The following NUP205 variants were observed in gnomAD, a reference collection of about 807,000 sequenced individuals.
NUP205 encodes nucleoporin 205.
NUP205 carries 76 observed loss-of-function variants against 253.8 expected under a neutral mutation model. The observed-to-expected ratio is 0.30, with a 90% CI of 0.25 to 0.36. NUP205 has a LOEUF of 0.36. NUP205 is among the 10% of genes least tolerant of loss of function. NUP205 has a pLI of 1.00. For synonymous variants in NUP205, 832 were observed against 850.1 expected, an observed-to-expected ratio of 0.98 and a Z score of 0.37; for missense variants, 2,162 against 2,425.5, an observed-to-expected ratio of 0.89 and a Z score of 2.28.
chr7:135,581,362 A>G (rs1806298966), intron 7 of NUP205, among the ~76,000 whole-genome samples: 1 of 151,650 alleles, frequency 6.6e-6, no homozygotes, highest in South Asian at 2.1e-4. Context: ...TGGGCAATGT[A>G]GTGATACCTC....
chr7:135,579,089 C>G (rs1237761753), intron 7 of NUP205, among the ~76,000 whole-genome samples, 174 bp downstream of exon 7: 1 of 152,154 alleles, frequency 6.6e-6, no homozygotes, highest in Non-Finnish European at 1.5e-5. Context: ...TTCTCCTTGT[C>G]TCTCAAAAAT....
intron 22 of NUP205, among the ~76,000 whole-genome samples, chr7:135,609,442 C>T (rs1189492983): frequency 6.6e-6 from 1 of 151,342 alleles, no homozygotes; most frequent in Non-Finnish European, 1.5e-5. Flanking sequence ...CGCGCCACTG[C>T]ACTCCAGCCT....
chr7:135,580,974 C>G (rs1563114926), intron 7 of NUP205, among the ~76,000 whole-genome samples: 1 of 152,086 alleles, frequency 6.6e-6, no homozygotes, highest in Non-Finnish European at 1.5e-5. Flanking sequence ...TCTTTGGCTA[C>G]TTAATCTCTT....
At chr7:135,605,477 T>C (rs1408342687) in intron 19 of NUP205, among the ~76,000 whole-genome samples, 1 of 152,242 alleles carries the variant, frequency 6.6e-6, no homozygotes, top group Non-Finnish European at 1.5e-5. Context: ...AGTAGTAACT[T>C]CTAGATGTGA....
intron 1 of NUP205, among the ~76,000 whole-genome samples, chr7:135,560,853 C>T (rs1286505621): frequency 6.6e-6 from 1 of 152,032 alleles, no homozygotes; most frequent in Admixed American, 6.6e-5. Context: ...GTTTAGGGGG[C>T]ATAGAGTTTC....
At chr7:135,642,128 G>T (rs552795304) in intron 38 of NUP205, among the ~76,000 whole-genome samples, 1 of 151,784 alleles carries the variant, frequency 6.6e-6, no homozygotes, top group Non-Finnish European at 1.5e-5. Flanking sequence ...GGTGGCATGC[G>T]CCTGTAATCC....
rs763964133 is a variant in NUP205 at position 135,571,115 on chromosome 7, A to G, written c.39A>G (p.Leu13=). Residue 13 remains leucine (L), a synonymous_variant, in exon 2 of 43, where the codon CTA becomes CTG. Transcript: ENST00000285968. Reference sequence around the variant, plus strand: ...TATTTTTTCTTTAAGCTGCTAGTCTATGGGGTCCTTACAAAGACATTTGGC... The same window carrying G: ...TATTTTTTCTTTAAGCTGCTAGTCTGTGGGGTCCTTACAAAGACATTTGGC... ...TPLAVNSAAS[L]WGPYKDIWHK... is the part of the protein sequence containing the mutation. 36 of 1,555,054 alleles carry G rather than the reference A, an allele frequency of 2.3e-5. No homozygotes were observed. The highest frequency in any genetic ancestry group is 8.5e-5 in the African/African-American group (6 of 70,724).
intron 22 of NUP205, among the ~76,000 whole-genome samples, chr7:135,612,416 A>G (rs927200395): frequency 2.0e-5 from 3 of 152,228 alleles, no homozygotes; most frequent in Non-Finnish European, 4.4e-5. Context: ...CTCAGCCTGA[A>G]TGAAATTTAT....
intron 18 of NUP205, 24 bp downstream of exon 18, chr7:135,603,018 A>C (rs749013281): frequency 6.4e-7 from 1 of 1,550,992 alleles, no homozygotes; most frequent in South Asian, 1.2e-5. Flanking sequence ...GTAGGTAGAG[A>C]AATGAAGTAA....
chr7:135,600,889 T>G lies in NUP205; in HGVS notation c.2294T>G (p.Val765Gly). The change falls in exon 16 of 43, where the codon GTT becomes GGT. Residue 765 changes from valine (V) to glycine (G), a missense_variant. Physicochemically the swap from Val to Gly is moderately radical, Grantham distance 109 (BLOSUM62 -3). Transcript: ENST00000285968. ...AAEKWEVAEVVLEVFYKLLRD... is the reference protein window; with the variant it reads ...AAEKWEVAEVGLEVFYKLLRD... Reference sequence around the variant, plus strand: ...CTATAGTGGGAAGTTGCTGAGGTGGTTTTGGAGGTGTTTTATAAATTGCTC... The same window carrying G: ...CTATAGTGGGAAGTTGCTGAGGTGGGTTTGGAGGTGTTTTATAAATTGCTC... 1 of 1,609,416 alleles carries G rather than the reference T, an allele frequency of 6.2e-7. No homozygotes were observed. Among genetic ancestry groups the G allele is most frequent in the South Asian group, 1.1e-5 (1 of 90,704 alleles).
intron 15 of NUP205, among the ~76,000 whole-genome samples, chr7:135,600,552 T>A (rs776423105): frequency 7.9e-5 from 12 of 152,210 alleles, no homozygotes; most frequent in Non-Finnish European, 1.3e-4. Context: ...GTGTCCAAAT[T>A]TGATGTTTAA....
Position 135,638,007 on chromosome 7 carries a change from T to G in NUP205, c.5213T>G (p.Val1738Gly), listed in dbSNP as rs1242541797. 6.2e-7 allele frequency: 1 copy of G among 1,613,864 alleles called. No homozygotes were observed. The highest frequency in any genetic ancestry group is 1.7e-5 in the Admixed American group (1 of 59,980). ...CAGTTTAAATTTCAAGACGATAATG[T>G]GGAGGGAGATAAAGTAAGCAAGAAA... is the stretch of plus-strand genomic sequence containing the variant. The part of the protein sequence containing the change: ...LRQFKFQDDN[V>G]EGDKVSKKDE... Residue 1738 changes from valine to glycine, a missense_variant, in exon 37 of 43, where the codon GTG becomes GGG. This residue lies in a region of NUP205 where 1,144 missense variants were observed against 1,280.9 expected (regional missense o/e 0.89). Coordinates refer to ENST00000285968, the MANE Select transcript of NUP205 (RefSeq NM_015135.3).
chr7:135,584,640 T>C (rs1806406595), intron 7 of NUP205, among the ~76,000 whole-genome samples, 192 bp from the exon 8 acceptor site: 1 of 152,362 alleles, frequency 6.6e-6, no homozygotes, highest in Non-Finnish European at 1.5e-5. Context: ...TCAGAGTATA[T>C]TGTTATTTGG....
chr7:135,626,800 T>C (rs954485683), intron 33 of NUP205, among the ~76,000 whole-genome samples: 11 of 152,226 alleles, frequency 7.2e-5, no homozygotes, highest in Non-Finnish European at 1.5e-4. Context: ...GCTTTTCAGC[T>C]GATTTCTTAG....
intron 17 of NUP205, among the ~76,000 whole-genome samples, chr7:135,601,731 GT>G (rs1353573838): frequency 2.0e-5 from 3 of 152,156 alleles, no homozygotes; most frequent in Non-Finnish European, 4.4e-5. Flanking sequence ...TCACTGCAGG[GT>G]CTTTTGTAGG....
In NUP205 at chr7:135,622,706, T is replaced by C; in HGVS notation, c.4331-71T>C. 6.7e-6 allele frequency: 9 copies of C among 1,346,002 alleles called. No homozygotes were observed. In the South Asian group the frequency reaches 1.2e-4, roughly 17 times the overall value. The allele number at this position is 1,346,002 out of a possible 1,614,324, so 83.4% of individuals were successfully genotyped here. On this transcript the variant is annotated intron_variant, in intron 30 of 42. Coordinates refer to ENST00000285968, the MANE Select transcript of NUP205 (RefSeq NM_015135.3). ...TTTCTTCCTTAGCTCATACCTAGCA[T>C]GTGAGGTATAATTACTCAGTTATTA...
At chr7:135,630,688 C>CT (rs1794694026) in intron 35 of NUP205, among the ~76,000 whole-genome samples, 1 of 152,072 alleles carries the variant, frequency 6.6e-6, no homozygotes, top group South Asian at 2.1e-4. Context: ...CTTTGAAAGG[C>CT]TGAGGCAGGA....
chr7:135,577,502 C>T (rs1449438261), intron 5 of NUP205, among the ~76,000 whole-genome samples: 1 of 152,088 alleles, frequency 6.6e-6, no homozygotes, highest in Non-Finnish European at 1.5e-5. Flanking sequence ...TTGTAGTCAG[C>T]TGTGTCCATA....
At chr7:135,594,935 C>T (rs553967006) in intron 13 of NUP205, among the ~76,000 whole-genome samples, 4 of 152,046 alleles carry the variant, frequency 2.6e-5, no homozygotes, top group Admixed American at 6.6e-5. Context: ...ACTAGGTTAC[C>T]AGAGATTGGT....
Sources: gnomAD v4.1 joint callset for allele counts (sites outside exome capture counted in the v4.1 genomes callset) on GRCh38, gnomAD v4.1.1 for gene constraint, gnomAD v4.1.1 regional missense constraint, MANE v1.5 for transcripts, NCBI Gene and HGNC (gene_info 2026-07-23, HGNC 2026-07-21) for gene names.